The following DGKB variants were observed in gnomAD, a reference collection of about 807,000 sequenced individuals.
The protein encoded by DGKB is diacylglycerol kinase beta.
In DGKB, 67 loss-of-function variants were observed where a neutral mutation model predicts 114.3. The observed-to-expected ratio is 0.59, with a 90% CI of 0.48 to 0.72. The LOEUF is 0.72. Among genes scored for constraint, DGKB ranks in the 30% least tolerant of loss-of-function variants. DGKB has a pLI of 0.00. For synonymous variants in DGKB, 398 were observed against 323.1 expected (o/e 1.23, Z -2.49); for missense variants, 907 against 975.2 (o/e 0.93, Z 0.93).
At chr7:14,937,659 C>G (rs6947797) in intron 1 of DGKB, among the ~76,000 whole-genome samples, 30,475 of 151,982 alleles carry the variant, frequency 0.2, 4,733 homozygotes, top group East Asian at 0.66. Context: ...TCCCTCTTCC[C>G]TGCTCTAATA....
chr7:14,786,256 A>G (rs946290530), intron 2 of DGKB, among the ~76,000 whole-genome samples: 2 of 152,138 alleles, frequency 1.3e-5, no homozygotes, highest in Non-Finnish European at 2.9e-5. Context: ...AACTAATCCT[A>G]ACTGGTTATA....
intron 21 of DGKB, among the ~76,000 whole-genome samples, chr7:14,387,471 G>A (rs930506584): frequency 2.0e-5 from 3 of 150,442 alleles, no homozygotes; most frequent in Non-Finnish European, 4.4e-5. Flanking sequence ...GGAGTGCAGT[G>A]GCATAATCTG....
At chr7:14,588,230 A>C (rs1443926059) in intron 17 of DGKB, among the ~76,000 whole-genome samples, 1 of 152,056 alleles carries the variant, frequency 6.6e-6, no homozygotes, top group East Asian at 1.9e-4. Flanking sequence ...GGTTTGCAAA[A>C]AAATTTTACA....
intron 21 of DGKB, among the ~76,000 whole-genome samples, chr7:14,469,550 C>G (rs190246940): frequency 5.7e-4 from 87 of 152,122 alleles, no homozygotes; most frequent in Non-Finnish European, 1.1e-3. Flanking sequence ...ATCTTACAAA[C>G]ATGATTTTAA....
At chr7:14,701,543 A>G in intron 7 of DGKB, 138 bp downstream of exon 7, 1 of 632,594 alleles carries the variant, frequency 1.6e-6, no homozygotes, top group South Asian at 2.1e-5. Flanking sequence ...CAAAAAGTCA[A>G]AAAGATAAAA....
chr7:14,523,449 T>C (rs1409994912), intron 20 of DGKB, among the ~76,000 whole-genome samples: 1 of 152,160 alleles, frequency 6.6e-6, no homozygotes, highest in Non-Finnish European at 1.5e-5. Flanking sequence ...GTGCTCTACA[T>C]TGAAGAACTG....
chr7:14,409,856 CCTT>C (rs1369476374), intron 21 of DGKB, among the ~76,000 whole-genome samples: 1 of 152,032 alleles, frequency 6.6e-6, no homozygotes, highest in Non-Finnish European at 1.5e-5. Flanking sequence ...ATTTTCTCCT[CCTT>C]ATGATTTTCT....
At chr7:14,188,399 G>C (rs1364089998) in intron 23 of DGKB, among the ~76,000 whole-genome samples, 1 of 120,576 alleles carries the variant, frequency 8.3e-6, no homozygotes, top group Non-Finnish European at 1.8e-5. Context: ...GGTGGCTCAC[G>C]CCTGTAATCC....
At chr7:14,421,905 C>T (rs1826776057) in intron 21 of DGKB, among the ~76,000 whole-genome samples, 1 of 151,942 alleles carries the variant, frequency 6.6e-6, no homozygotes, top group African/African-American at 2.4e-5. Context: ...TTAAATATCT[C>T]ACCATGTTTC....
chr7:14,157,675 C>T (rs979437036), intron 25 of DGKB, among the ~76,000 whole-genome samples: 1 of 151,976 alleles, frequency 6.6e-6, no homozygotes, highest in Admixed American at 6.6e-5. Context: ...TTCTTCATTC[C>T]AAAATATTTT....
intron 8 of DGKB, among the ~76,000 whole-genome samples, chr7:14,694,434 T>C (rs1004246479): frequency 7.9e-5 from 12 of 152,196 alleles, no homozygotes; most frequent in Non-Finnish European, 1.0e-4. Context: ...ATTTTTCCCA[T>C]GAACAGCACA....
At chr7:14,421,874 G>A (rs1826769147) in intron 21 of DGKB, among the ~76,000 whole-genome samples, 1 of 151,892 alleles carries the variant, frequency 6.6e-6, no homozygotes, top group Admixed American at 6.6e-5. Context: ...GGGCTCAGAA[G>A]TATCTATTTA....
At chr7:14,653,492 C>G (rs1815059387) in intron 13 of DGKB, among the ~76,000 whole-genome samples, 2 of 150,896 alleles carry the variant, frequency 1.3e-5, no homozygotes, top group Admixed American at 6.6e-5. Flanking sequence ...ATATCACACT[C>G]TGGGGACTGT....
chr7:14,523,630 T>C (rs1790148269), intron 20 of DGKB, among the ~76,000 whole-genome samples: 1 of 152,150 alleles, frequency 6.6e-6, no homozygotes, highest in Non-Finnish European at 1.5e-5. Context: ...AGTCATATAT[T>C]ATCTTGTTTG....
chr7:14,209,245 C>G (rs762924171), intron 23 of DGKB: 98 of 281,312 alleles, frequency 3.5e-4, no homozygotes, highest in Non-Finnish European at 6.0e-4. Flanking sequence ...CATGTTTAAA[C>G]ATTTATTTGC....
intron 23 of DGKB, among the ~76,000 whole-genome samples, chr7:14,271,063 C>G (rs1486643431): frequency 6.6e-6 from 1 of 152,160 alleles, no homozygotes; most frequent in Non-Finnish European, 1.5e-5. Context: ...GAACAGAGTT[C>G]TACAGAAATA....
intron 25 of DGKB, among the ~76,000 whole-genome samples, chr7:14,152,341 G>GTTGT (rs1562480254): frequency 6.6e-6 from 1 of 151,948 alleles, no homozygotes; most frequent in African/African-American, 2.4e-5. Context: ...CATGATTTTG[G>GTTGT]TTGTTTAGTT....
chr7:14,754,064 A>C, intron 3 of DGKB, 116 bp from the exon 4 acceptor site: 1 of 735,512 alleles, frequency 1.4e-6, no homozygotes, highest in South Asian at 1.8e-5. Context: ...ATTTTAAAAC[A>C]CACCCTAGAT....
chr7:14,203,028 A>G (rs1482139563), intron 23 of DGKB, among the ~76,000 whole-genome samples: 1 of 151,874 alleles, frequency 6.6e-6, no homozygotes, highest in Non-Finnish European at 1.5e-5. Flanking sequence ...TTACATTAAA[A>G]TGAATGCTCG....
Sources: allele counts gnomAD v4.1 joint callset (sites outside exome capture counted in the v4.1 genomes callset), GRCh38; gene constraint gnomAD v4.1.1; transcripts MANE v1.5; gene names NCBI Gene and HGNC (gene_info 2026-07-23, HGNC 2026-07-21).